ST3GAL1: variants seen among roughly 807,000 people sequenced by gnomAD.
The protein encoded by ST3GAL1 is ST3 beta-galactoside alpha-2,3-sialyltransferase 1, also known as CMP-N-acetylneuraminate-beta-galactosamide-alpha-2,3-sialyltransferase 1.
ST3GAL1 carries 16 observed loss-of-function variants against 34.1 expected under a neutral mutation model. The ratio of observed to expected loss-of-function variants is 0.47; its 90% CI spans 0.32 to 0.71. ST3GAL1 has a LOEUF of 0.71. Ranked by LOEUF, ST3GAL1 falls within the 30% of genes least tolerant of loss-of-function variation. The pLI is 0.04. For missense variants in ST3GAL1, 353 were observed against 447.4 expected, an observed-to-expected ratio of 0.79 and a Z score of 1.90; for synonymous variants, 191 against 184.7, an observed-to-expected ratio of 1.03 and a Z score of -0.28.
intron 2 of ST3GAL1, among the ~76,000 whole-genome samples, chr8:133,542,628 A>T (rs1818564393): frequency 1.3e-5 from 2 of 152,034 alleles, no homozygotes; most frequent in African/African-American, 2.4e-5. Context: ...TACAAAAATT[A>T]GCTGGGCATG....
At chr8:133,473,818 T>C (rs1816057344) in intron 5 of ST3GAL1, among the ~76,000 whole-genome samples, 1 of 152,230 alleles carries the variant, frequency 6.6e-6, no homozygotes, top group African/African-American at 2.4e-5. Context: ...CATCCTGCAA[T>C]GCACGGGGCA....
At chr8:133,479,757 G>T (rs1355509577) in intron 3 of ST3GAL1, among the ~76,000 whole-genome samples, 1 of 152,142 alleles carries the variant, frequency 6.6e-6, no homozygotes. Context: ...CTCCTCTGGG[G>T]CATCCTGCAG....
intron 2 of ST3GAL1, among the ~76,000 whole-genome samples, chr8:133,532,826 C>T (rs116130592): frequency 9.2e-5 from 14 of 152,240 alleles, no homozygotes; most frequent in African/African-American, 2.9e-4. Flanking sequence ...CAGAAGAGTC[C>T]GCAGGTGCTG....
At chr8:133,494,416 C>T (rs1170724436) in intron 3 of ST3GAL1, among the ~76,000 whole-genome samples, 1 of 152,196 alleles carries the variant, frequency 6.6e-6, no homozygotes, top group Admixed American at 6.5e-5. Flanking sequence ...TGAGATCTTT[C>T]CCACTTTACA....
In ST3GAL1 at chr8:133,556,167, A is replaced by C. The variant is rs1025494617; in HGVS notation, c.-581-10241T>G. Among the ~76,000 whole-genome samples, 2 of 152,068 alleles carry C rather than the reference A, an allele frequency of 1.3e-5. No individual in the cohort carries two copies. Among genetic ancestry groups the C allele is most frequent in the African/African-American group, 4.8e-5 (2 of 41,406 alleles). ...CATCTCGGCCTCCCAAAGTGCTAGGATTGCAGGCATGAGCCACCATGCCCA... is the reference window on the plus strand; with the variant it reads ...CATCTCGGCCTCCCAAAGTGCTAGGCTTGCAGGCATGAGCCACCATGCCCA... On this transcript the variant is annotated intron_variant, in intron 1 of 9. Transcript: ENST00000522652. This position sits in a 1 kb window ranked among gnomAD's most constrained non-coding sequence, Gnocchi z 8.9.
chr8:133,484,827 C>T (rs1816520926), intron 3 of ST3GAL1, among the ~76,000 whole-genome samples: 2 of 152,174 alleles, frequency 1.3e-5, no homozygotes, highest in African/African-American at 2.4e-5. Flanking sequence ...AGGGGTACTC[C>T]TGGCCTGATA....
intron 6 of ST3GAL1, among the ~76,000 whole-genome samples, chr8:133,465,224 T>A (rs1815690575): frequency 6.6e-6 from 1 of 152,186 alleles, no homozygotes; most frequent in East Asian, 1.9e-4. Flanking sequence ...AAAGGATATT[T>A]CCACAGCCCT....
intron 3 of ST3GAL1, among the ~76,000 whole-genome samples, chr8:133,486,071 G>C (rs545108201): frequency 6.6e-6 from 1 of 152,324 alleles, no homozygotes; most frequent in African/African-American, 2.4e-5. Context: ...AAGGTACTGG[G>C]TATCATCTCC....
chr8:133,464,868 A>T lies in ST3GAL1; in HGVS notation c.593T>A (p.Leu198Gln). 1.2e-6 allele frequency: 2 copies of T among 1,614,102 alleles called. No homozygotes were observed. The highest frequency in any genetic ancestry group is 1.7e-6 in the Non-Finnish European group (2 of 1,179,988). Residue 198 changes from leucine to glutamine, a missense_variant, in exon 7 of 10, where the codon CTG becomes CAG. Transcript: ENST00000522652. ...CAGGATCATGCTGACATTATCTCCC[A>T]GCTCCCGGAAGCTCTCAGGGTACAC... ...HLVYPESFRE[L>Q]GDNVSMILVP...
intron 2 of ST3GAL1, among the ~76,000 whole-genome samples, chr8:133,537,113 G>A (rs1818334544): frequency 6.6e-6 from 1 of 152,106 alleles, no homozygotes; most frequent in African/African-American, 2.4e-5. Context: ...CTTCAAATTG[G>A]GTTCCCATGA....
intron 2 of ST3GAL1, among the ~76,000 whole-genome samples, chr8:133,531,584 T>A (rs991521440): frequency 6.6e-6 from 1 of 152,024 alleles, no homozygotes; most frequent in Non-Finnish European, 1.5e-5. Flanking sequence ...CCAGGCAGCC[T>A]GCTTAAAAAG....
intron 5 of ST3GAL1, among the ~76,000 whole-genome samples, chr8:133,468,432 A>G (rs1328225213): frequency 6.6e-6 from 1 of 152,228 alleles, no homozygotes; most frequent in Non-Finnish European, 1.5e-5. Context: ...TCATAGAGAC[A>G]GAGAGTGGCA....
At chr8:133,518,061 C>T (rs192107569) in intron 2 of ST3GAL1, among the ~76,000 whole-genome samples, 285 of 152,330 alleles carry the variant, frequency 1.9e-3, no homozygotes, top group Middle Eastern at 3.4e-3. Flanking sequence ...GTGTTACCCA[C>T]GTGGCCCCTG....
chr8:133,525,812 G>A (rs952769886), intron 2 of ST3GAL1, among the ~76,000 whole-genome samples: 21 of 152,314 alleles, frequency 1.4e-4, no homozygotes, highest in African/African-American at 4.8e-4. Context: ...AAAAATCAGA[G>A]TGGACACTGG....
intron 3 of ST3GAL1, among the ~76,000 whole-genome samples, chr8:133,497,657 G>C (rs1297749372): frequency 3.3e-5 from 5 of 151,890 alleles, no homozygotes; most frequent in South Asian, 2.1e-4. Flanking sequence ...ATTTTTAGTA[G>C]AGATAGGGTT....
intron 1 of ST3GAL1, among the ~76,000 whole-genome samples, chr8:133,561,669 C>T (rs569145323): frequency 1.3e-5 from 2 of 152,232 alleles, no homozygotes; most frequent in East Asian, 1.9e-4. Context: ...ACTGTTCTCA[C>T]GCTCAGCCAA....
chr8:133,529,479 A>G (rs776145782), intron 2 of ST3GAL1, among the ~76,000 whole-genome samples: 1 of 152,190 alleles, frequency 6.6e-6, no homozygotes. Flanking sequence ...AGACAGGCAG[A>G]CAGATGAACT....
At chr8:133,489,999 T>G (rs1816738631) in intron 3 of ST3GAL1, among the ~76,000 whole-genome samples, 1 of 152,082 alleles carries the variant, frequency 6.6e-6, no homozygotes, top group African/African-American at 2.4e-5. Flanking sequence ...CTCCCCAACT[T>G]ATCTGTGCAT....
chr8:133,550,248 A>G (rs1187221990), intron 1 of ST3GAL1, among the ~76,000 whole-genome samples: 1 of 152,126 alleles, frequency 6.6e-6, no homozygotes, highest in East Asian at 1.9e-4. Flanking sequence ...GCCTCTTTCT[A>G]TATTGAGTCC....
Sources: gnomAD v4.1 joint callset for allele counts (sites outside exome capture counted in the v4.1 genomes callset) on GRCh38, gnomAD v4.1.1 for gene constraint, Gnocchi (gnomAD v3.1) non-coding constraint, MANE v1.5 for transcripts, NCBI Gene and HGNC (gene_info 2026-07-23, HGNC 2026-07-21) for gene names.